Variants in EPS15L1 observed in about 807,000 individuals in gnomAD.
EPS15L1 encodes epidermal growth factor receptor pathway substrate 15 like 1, also known as epidermal growth factor receptor substrate 15-like 1.
EPS15L1 carries 43 observed loss-of-function variants against 117.1 expected under a neutral mutation model. That is an observed-to-expected ratio of 0.37 (90% CI 0.29 to 0.47). The LOEUF is 0.47. EPS15L1 is among the 20% of genes least tolerant of loss of function. EPS15L1 has a pLI of 0.99. For synonymous variants in EPS15L1, 459 were observed against 470.5 expected (o/e 0.98, Z 0.32); for missense variants, 981 against 1,164.0 (o/e 0.84, Z 2.29).
At chr19:16,395,308 G>T in intron 17 of EPS15L1, 36 bp downstream of exon 17, 1 of 1,600,050 alleles carries the variant, frequency 6.2e-7, no homozygotes, top group Non-Finnish European at 8.5e-7. Flanking sequence ...AAAACACACA[G>T]TCTTTCAATG....
chr19:16,377,225 G>C lies in EPS15L1; in HGVS notation c.2277C>G (p.Ser759=). Residue 759 remains serine, a synonymous_variant, in exon 22 of 24, where the codon TCC becomes TCG. Transcript: ENST00000455140. ...KPPPSGPFTS[S]LGGAGFSDDP... is the part of the protein sequence containing the mutation. ...CATCTGAGAATCCTGCCCCTCCCAAGGAGGAGGTGAAAGGGCCAGAAGGTG... is the reference window on the plus strand; with the variant it reads ...CATCTGAGAATCCTGCCCCTCCCAACGAGGAGGTGAAAGGGCCAGAAGGTG... 6.2e-7 allele frequency: 1 copy of C among 1,613,074 alleles called. No individual in the cohort carries two copies. The highest frequency in any genetic ancestry group is 8.5e-7 in the Non-Finnish European group (1 of 1,179,588).
chr19:16,367,818 T>C (rs1326669490), intron 22 of EPS15L1, among the ~76,000 whole-genome samples: 1 of 149,192 alleles, frequency 6.7e-6, no homozygotes, highest in Admixed American at 6.6e-5. Context: ...AAATATACAA[T>C]TGCAAACCAT....
In EPS15L1 at chr19:16,418,085, G is replaced by C. The variant is rs937517498; in HGVS notation, c.970C>G (p.Gln324Glu). Reference sequence around the variant, plus strand: ...TGGTCTTTGCTTAACTTCCCCGTTTGCCTCGTATCGGCCAGGGCCCTGGGA... The same window carrying C: ...TGGTCTTTGCTTAACTTCCCCGTTTCCCTCGTATCGGCCAGGGCCCTGGGA... ...AHIWALADTR[Q>E]TGKLSKDQFA... Residue 324 changes from glutamine (Q) to glutamate (E), a missense_variant, in exon 11 of 24, where the codon CAA (glutamine) becomes GAA (glutamate). Transcript: ENST00000455140. 7 of 1,613,858 alleles carry C rather than the reference G, an allele frequency of 4.3e-6. No homozygotes were observed. The highest frequency in any genetic ancestry group is 5.9e-6 in the Non-Finnish European group (7 of 1,179,820).
chr19:16,463,722 C>G (rs973036032), intron 1 of EPS15L1, among the ~76,000 whole-genome samples: 1 of 152,140 alleles, frequency 6.6e-6, no homozygotes, highest in African/African-American at 2.4e-5. Context: ...CATCAATCAA[C>G]CCCGCAAAGA....
In EPS15L1 at chr19:16,395,976, C is replaced by T. The variant is rs145868009; in HGVS notation, c.1792-509G>A. Among the ~76,000 whole-genome samples the T allele has an allele frequency of 5.5e-3, 813 of 149,012 alleles. 6 individuals carry two copies. Among genetic ancestry groups the T allele is most frequent in the Non-Finnish European group, 8.9e-3 (600 of 67,556 alleles). ...AAAAAAAAAAATCAAGGTGTGGTGGCGTGTACCTATAATCCCAGCTACTTG... is the reference window on the plus strand; with the variant it reads ...AAAAAAAAAAATCAAGGTGTGGTGGTGTGTACCTATAATCCCAGCTACTTG... On this transcript the variant is annotated intron_variant, in intron 16 of 23. Transcript: ENST00000455140.
intron 19 of EPS15L1, 87 bp downstream of exon 19, chr19:16,392,217 C>T (rs913795292): frequency 8.6e-6 from 13 of 1,504,174 alleles, no homozygotes; most frequent in African/African-American, 1.4e-5. Context: ...GTACGCTCCA[C>T]GAAGGGAAGG....
Position 16,395,372 on chromosome 19 carries a change from G to A in EPS15L1, c.1887C>T (p.Asp629=), listed in dbSNP as rs1417230936. The change falls in exon 17 of 24, where the codon GAC becomes GAT. Residue 629 remains aspartate (D), a synonymous_variant. Coordinates refer to ENST00000455140, the MANE Select transcript of EPS15L1 (RefSeq NM_001258374.3). ...TGAAGGGGTCAGCTCCTTTAAATGG[G>A]TCAGATTTGAAGGGGTCTTCTGTCT... ...PFQTEDPFKS[D]PFKGADPFKG... 2 of 1,613,884 alleles carry A rather than the reference G, an allele frequency of 1.2e-6. No individual in the cohort carries two copies. Among genetic ancestry groups the A allele is most frequent in the Admixed American group, 1.7e-5 (1 of 59,992 alleles).
At chr19:16,462,375 G>T (rs112508806) in intron 1 of EPS15L1, among the ~76,000 whole-genome samples, 4 of 151,356 alleles carry the variant, frequency 2.6e-5, no homozygotes, top group Admixed American at 1.3e-4. Flanking sequence ...TCAGGGAAGT[G>T]GGGGGGAGGG....
intron 12 of EPS15L1, among the ~76,000 whole-genome samples, chr19:16,414,897 A>C (rs1222334742): frequency 6.6e-6 from 1 of 151,786 alleles, no homozygotes. Flanking sequence ...TTTGTAGCCG[A>C]GGTCTCAATA....
Position 16,401,625 on chromosome 19 carries a change from C to G in EPS15L1, c.1791+696G>C, listed in dbSNP as rs926609734. ...CTGCAGGGGCAGACTCTGGTGTGAA[C>G]AGGGGGGATGTGACCACCTAAGGAA... On this transcript the variant is annotated intron_variant, in intron 16 of 23. Coordinates refer to ENST00000455140, the MANE Select transcript of EPS15L1 (RefSeq NM_001258374.3). The G allele has an allele frequency of 3.3e-5, 33 of 985,382 alleles. No individual in the cohort carries two copies. In the African/African-American group the frequency reaches 5.8e-4, roughly 17 times the overall value. 61.0% of individuals were successfully genotyped at this position (985,382 alleles called of 1,614,324 possible).
rs1338664353 is a variant in EPS15L1 at position 16,365,552 on chromosome 19, G to A, written c.2381-3568C>T. On this transcript the variant is annotated intron_variant, in intron 22 of 23. Coordinates refer to ENST00000455140, the MANE Select transcript of EPS15L1 (RefSeq NM_001258374.3). This position sits in a 1 kb window ranked among gnomAD's most constrained non-coding sequence, Gnocchi z 4.9. The stretch of plus-strand genomic sequence containing the variant: ...TGCTGTTTAGGCTGAGATAGAGCAA[G>A]TGTGAGCAGGGAGCCACCAAAGCCA... 6.6e-6 allele frequency among the ~76,000 whole-genome samples: 1 copy of A among 152,224 alleles called. No individual in the cohort carries two copies. Among genetic ancestry groups the A allele is most frequent in the Non-Finnish European group, 1.5e-5 (1 of 68,028 alleles).
intron 1 of EPS15L1, among the ~76,000 whole-genome samples, chr19:16,461,626 A>G (rs374287732): frequency 6.6e-6 from 1 of 151,928 alleles, no homozygotes; most frequent in African/African-American, 2.4e-5. Flanking sequence ...TGTCTCAAAA[A>G]AAAGAAAGAA....
intron 1 of EPS15L1, among the ~76,000 whole-genome samples, chr19:16,463,278 G>A (rs774788689): frequency 1.7e-4 from 26 of 152,134 alleles, no homozygotes; most frequent in Non-Finnish European, 3.7e-4. Context: ...GCTCCCTGAA[G>A]GTGGCCTCAA....
chr19:16,358,671 T>TG (rs1198282808), intron 23 of EPS15L1, among the ~76,000 whole-genome samples: 1 of 152,238 alleles, frequency 6.6e-6, no homozygotes, highest in Non-Finnish European at 1.5e-5. Context: ...CGCTGGGCGA[T>TG]GGGATGGCCC....
chr19:16,411,544 C>T (rs1468352168), intron 13 of EPS15L1, among the ~76,000 whole-genome samples: 2 of 152,186 alleles, frequency 1.3e-5, no homozygotes, highest in African/African-American at 4.8e-5. Flanking sequence ...CGAAACACCA[C>T]TGAAATGTAC....
At chr19:16,406,400 G>T (rs932471748) in intron 13 of EPS15L1, among the ~76,000 whole-genome samples, 1 of 152,212 alleles carries the variant, frequency 6.6e-6, no homozygotes, top group Non-Finnish European at 1.5e-5. Context: ...AAAGTCAGGC[G>T]TGTCAGCATC....
chr19:16,375,801 G>A (rs1419206557), intron 22 of EPS15L1, among the ~76,000 whole-genome samples: 3 of 152,222 alleles, frequency 2.0e-5, no homozygotes, highest in African/African-American at 4.8e-5. Context: ...AGCCAACCTG[G>A]GCACTGCGGG....
chr19:16,428,024 A>G (rs1422417716), intron 8 of EPS15L1, among the ~76,000 whole-genome samples: 1 of 145,644 alleles, frequency 6.9e-6, no homozygotes, highest in African/African-American at 2.6e-5. Context: ...AACATGGTGA[A>G]ACCCTGTCTC....
At chr19:16,397,381 C>T (rs1257971667) in intron 16 of EPS15L1, among the ~76,000 whole-genome samples, 3 of 152,076 alleles carry the variant, frequency 2.0e-5, no homozygotes, top group African/African-American at 7.2e-5. Context: ...TGAGCCACCG[C>T]GCCCGGCTGT....
Sources: allele counts gnomAD v4.1 joint callset (sites outside exome capture counted in the v4.1 genomes callset), GRCh38; gene constraint gnomAD v4.1.1; non-coding constraint Gnocchi (gnomAD v3.1); transcripts MANE v1.5; gene names NCBI Gene and HGNC (gene_info 2026-07-23, HGNC 2026-07-21).